The following PHC1 variants were observed in gnomAD, a reference collection of about 807,000 sequenced individuals.
The protein encoded by PHC1 is polyhomeotic-like protein 1.
PHC1 carries 12 observed loss-of-function variants against 104.3 expected under a neutral mutation model. The ratio of observed to expected loss-of-function variants is 0.12; its 90% confidence interval spans 0.07 to 0.19. The LOEUF is 0.19. Among genes scored for constraint, PHC1 ranks in the 10% least tolerant of loss-of-function variants. The probability of loss-of-function intolerance (pLI) is 1.00; values close to 1 mark genes in which losing one functional copy is unlikely to be tolerated. For synonymous variants in PHC1, 302 were observed against 455.8 expected (o/e 0.66, Z 4.30); for missense variants, 671 against 1,200.0 (o/e 0.56, Z 6.51).
chr12:8,925,894 G>C (rs1273803180), intron 6 of PHC1, among the ~76,000 whole-genome samples: 1 of 152,206 alleles, frequency 6.6e-6, no homozygotes, highest in Non-Finnish European at 1.5e-5. Context: ...TGACTGTAGG[G>C]AGAATAACTG....
rs747950024 is a variant in PHC1 at position 8,920,450 on chromosome 12, G to A, written c.226-535G>A. The stretch of plus-strand genomic sequence containing the variant: ...TAGCTGGGCGTGGTGGCTTACGCCT[G>A]TAATGCCAGCACTTTGGGAGGCTGA... On this transcript the variant is annotated intron_variant, in intron 3 of 14. Coordinates refer to ENST00000544916, the MANE Select transcript of PHC1 (RefSeq NM_004426.3). Among the ~76,000 whole-genome samples, 174 of 152,340 alleles carry A rather than the reference G, an allele frequency of 1.1e-3. No homozygotes were observed. The South Asian group carries it at 0.022, about 19-fold the overall frequency.
At chr12:8,918,928 A>G (rs1187391818) in intron 2 of PHC1, among the ~76,000 whole-genome samples, 1 of 152,200 alleles carries the variant, frequency 6.6e-6, no homozygotes, top group African/African-American at 2.4e-5. Context: ...CCTAGGTTAT[A>G]CAGTATAGGC....
chr12:8,932,632 A>C lies in PHC1; in HGVS notation c.1175A>C (p.Gln392Pro), dbSNP rs1363390672. The C allele has an allele frequency of 6.2e-7, 1 of 1,614,058 alleles. No homozygotes were observed. Among genetic ancestry groups the C allele is most frequent in the Non-Finnish European group, 8.5e-7 (1 of 1,179,874 alleles). The stretch of plus-strand genomic sequence containing the variant: ...CAACAGATCCACCTCCAGCAGAAAC[A>C]GGTGGTGATCCAGCAGCAGATTGCC... ...QQQQIHLQQK[Q>P]VVIQQQIAIH... The change falls in exon 8 of 15, where the codon CAG becomes CCG. Residue 392 changes from glutamine (Q) to proline (P), a missense_variant. By Grantham distance (76) the Gln-to-Pro change is moderately conservative. Around this residue, in one of 9 missense-constraint regions of PHC1, gnomAD observed 3 missense variants for 16.1 expected, o/e 0.19. Transcript: ENST00000544916.
chr12:8,930,393 T>G (rs763564731), intron 6 of PHC1, 42 bp from the exon 7 acceptor site: 4 of 1,581,622 alleles, frequency 2.5e-6, no homozygotes, highest in Non-Finnish European at 2.6e-6. Flanking sequence ...CCTTAATGCC[T>G]CCAGTCCTCC....
rs767035532 is a variant in PHC1 at position 8,930,645 on chromosome 12, A to G, written c.823A>G (p.Ile275Val). ...SQAGGGSGNSIPGSMGPGGGG... is the reference protein window; with the variant it reads ...SQAGGGSGNSVPGSMGPGGGG... ...AGCTGGTGGAGGCAGTGGGAATAGC[A>G]TCCCAGGGTCCATGGGTCCAGGTGG... The change falls in exon 7 of 15, where the codon ATC becomes GTC. Residue 275 changes from isoleucine to valine, a missense_variant. Ile to Val is a conservative substitution (Grantham distance 29). Coordinates refer to ENST00000544916, the MANE Select transcript of PHC1 (RefSeq NM_004426.3). 12 of 1,444,450 alleles carry G rather than the reference A, an allele frequency of 8.3e-6. No individual in the cohort carries two copies. The South Asian group carries it at 1.4e-4, about 17-fold the overall frequency. 89.5% of individuals were successfully genotyped at this position (1,444,450 alleles called of 1,614,324 possible).
chr12:8,927,856 T>C (rs1412941772), intron 6 of PHC1, among the ~76,000 whole-genome samples: 1 of 30,290 alleles, frequency 3.3e-5, no homozygotes, highest in African/African-American at 1.5e-4. Flanking sequence ...GTACTAGTTT[T>C]CTTTCTTTCT....
At position 8,935,114 on chromosome 12, in the gene PHC1, T is replaced by C; in HGVS notation, c.2254-10T>C. 2.0e-6 allele frequency: 3 copies of C among 1,482,150 alleles called. No individual in the cohort carries two copies. The highest frequency in any genetic ancestry group is 2.8e-6 in the Non-Finnish European group (3 of 1,075,266). 91.8% of individuals were successfully genotyped at this position (1,482,150 alleles called of 1,614,324 possible). A position where few individuals can be genotyped will look rare whatever the true frequency, so the allele number is the denominator to read the frequency against. ...CAGGCTAACTTAACTCTCAATGTTT[T>C]CTGGGACAGGTGGGTTGTTCTCAGT... On this transcript the variant is annotated splice_polypyrimidine_tract_variant and intron_variant, in intron 10 of 14. Transcript: ENST00000544916.
chr12:8,930,981 CT>C, intron 7 of PHC1, 54 bp downstream of exon 7: 1 of 1,523,450 alleles, frequency 6.6e-7, no homozygotes, highest in Non-Finnish European at 8.8e-7. Context: ...TGAAATTTTC[CT>C]TTTTTTCTTT....
Position 8,919,993 on chromosome 12 carries a change from T to G in PHC1, c.225+127T>G. On this transcript the variant is annotated intron_variant, in intron 3 of 14. Coordinates refer to ENST00000544916, the MANE Select transcript of PHC1 (RefSeq NM_004426.3). This position sits in a 1 kb window ranked among gnomAD's most constrained non-coding sequence, Gnocchi z 4.9. ...TGCAGACAGCCTCCTCCGCCTCCTG[T>G]CCTTCTGTGGGAGGATGGATGCATC... 7.1e-7 allele frequency: 1 copy of G among 1,409,938 alleles called. No individual in the cohort carries two copies. Among genetic ancestry groups the G allele is most frequent in the East Asian group, 2.5e-5 (1 of 39,770 alleles). The allele number at this position is 1,409,938 out of a possible 1,614,324, so 87.3% of individuals were successfully genotyped here.
chr12:8,923,737 C>T (rs1454055652), intron 6 of PHC1, among the ~76,000 whole-genome samples: 6 of 148,762 alleles, frequency 4.0e-5, no homozygotes, highest in African/African-American at 9.9e-5. Flanking sequence ...GGCTGAGGCC[C>T]GAGAATGGCA....
rs940166808 is a variant in PHC1, at chr12:8,930,337, G to T, written c.613-98G>T. On this transcript the variant is annotated intron_variant, in intron 6 of 14. Coordinates refer to ENST00000544916, the MANE Select transcript of PHC1 (RefSeq NM_004426.3). ...GCAGAGATACGAGCTGAGGTATTCT[G>T]TGGAATACGACACAATAGCAGTCCT... 2.0e-6 allele frequency: 3 copies of T among 1,497,784 alleles called. No homozygotes were observed. In the African/African-American group the frequency reaches 4.2e-5, roughly 21 times the overall value. 92.8% of individuals were successfully genotyped at this position (1,497,784 alleles called of 1,614,324 possible).
At chr12:8,923,221 T>G (rs1945415522) in intron 6 of PHC1, among the ~76,000 whole-genome samples, 1 of 152,218 alleles carries the variant, frequency 6.6e-6, no homozygotes, top group African/African-American at 2.4e-5. Context: ...TGAGTTACTC[T>G]AGTTCTCAAC....
At chr12:8,916,036 T>C (rs998691967) in intron 1 of PHC1, 1 of 154,392 alleles carries the variant, frequency 6.5e-6, no homozygotes, top group Non-Finnish European at 1.5e-5. Context: ...TTACCCACTT[T>C]TTTTCTTCAC....
chr12:8,919,651 G>A lies in PHC1; in HGVS notation c.115-105G>A. 1 of 1,165,658 alleles carries A rather than the reference G, an allele frequency of 8.6e-7. No homozygotes were observed. Among genetic ancestry groups the A allele is most frequent in the African/African-American group, 1.5e-5 (1 of 65,430 alleles). 72.2% of individuals were successfully genotyped at this position (1,165,658 alleles called of 1,614,324 possible). A position where few individuals can be genotyped will look rare whatever the true frequency, so the allele number is the denominator to read the frequency against. On this transcript the variant is annotated intron_variant, in intron 2 of 14. Transcript: ENST00000544916. This position sits in a 1 kb window ranked among gnomAD's most constrained non-coding sequence, Gnocchi z 4.9. The stretch of plus-strand genomic sequence containing the variant: ...TTTAGCCCAAACTCCCATCTCCTCT[G>A]GTTTCTGTCCTTCCCATGGCCCCCT...
intron 4 of PHC1, 27 bp downstream of exon 4, chr12:8,921,092 G>T (rs779014886): frequency 3.9e-6 from 6 of 1,541,246 alleles, no homozygotes; most frequent in South Asian, 1.2e-5. Flanking sequence ...CCACTGAGAG[G>T]CTTCTCTACC....
chr12:8,935,606 G>A (rs1945813683), intron 11 of PHC1, among the ~76,000 whole-genome samples: 2 of 151,954 alleles, frequency 1.3e-5, no homozygotes, highest in Admixed American at 1.3e-4. Context: ...CAGCCTGGGC[G>A]ACAGAGCGAG....
At chr12:8,914,935 C>G (rs1275660196) in intron 1 of PHC1, 108 bp downstream of exon 1, 2 of 154,252 alleles carry the variant, frequency 1.3e-5, no homozygotes, top group African/African-American at 4.8e-5. Flanking sequence ...GGTACCTCCC[C>G]CAGTTGCTTT....
chr12:8,926,989 G>T (rs777147608), intron 6 of PHC1, among the ~76,000 whole-genome samples: 1 of 152,276 alleles, frequency 6.6e-6, no homozygotes, highest in Admixed American at 6.5e-5. Flanking sequence ...GAGGTAGGAT[G>T]AACCCCCACT....
rs1290742408 is a variant in PHC1, at chr12:8,932,884, T to C, written c.1427T>C (p.Met476Thr). 2.0e-6 allele frequency: 2 copies of C among 1,020,666 alleles called. No individual in the cohort carries two copies. Among genetic ancestry groups the C allele is most frequent in the South Asian group, 1.3e-5 (1 of 76,848 alleles). The allele number at this position is 1,020,666 out of a possible 1,614,324, so 63.2% of individuals were successfully genotyped here. ...QQAQTLVVQPMLQSSPLSLPP... is the reference protein window; with the variant it reads ...QQAQTLVVQPTLQSSPLSLPP... Reference sequence around the variant, plus strand: ...GCCCAAACCCTGGTCGTTCAGCCCATGCTTCAGTCTTCACCCTTGTCTCTT... The same window carrying C: ...GCCCAAACCCTGGTCGTTCAGCCCACGCTTCAGTCTTCACCCTTGTCTCTT... Residue 476 changes from methionine (M) to threonine (T), a missense_variant, in exon 8 of 15, where the codon ATG (methionine) becomes ACG (threonine). This residue lies in a region of PHC1 where 26 missense variants were observed against 130.8 expected (regional missense o/e 0.20). Coordinates refer to ENST00000544916, the MANE Select transcript of PHC1 (RefSeq NM_004426.3).
Sources: allele counts gnomAD v4.1 joint callset (sites outside exome capture counted in the v4.1 genomes callset), GRCh38; gene constraint gnomAD v4.1.1; regional missense constraint gnomAD v4.1.1; non-coding constraint Gnocchi (gnomAD v3.1); transcripts MANE v1.5; gene names NCBI Gene and HGNC (gene_info 2026-07-23, HGNC 2026-07-21).